The following EXOC6B variants were observed in gnomAD, a reference collection of about 807,000 sequenced individuals.
EXOC6B encodes SEC15 homolog B.
A neutral mutation model predicts 113.5 loss-of-function variants in EXOC6B; 54 were observed. The ratio of observed to expected loss-of-function variants is 0.48; its 90% CI spans 0.38 to 0.60. The LOEUF is 0.60. Among genes scored for constraint, EXOC6B ranks in the 20% least tolerant of loss-of-function variants. The pLI is 0.00. For synonymous variants in EXOC6B, 357 were observed against 339.0 expected, an observed-to-expected ratio of 1.05 and a Z score of -0.58; for missense variants, 797 against 977.5, an observed-to-expected ratio of 0.82 and a Z score of 2.46.
At chr2:72,578,110 G>A (rs1704986987) in intron 6 of EXOC6B, among the ~76,000 whole-genome samples, 1 of 152,022 alleles carries the variant, frequency 6.6e-6, no homozygotes, top group African/African-American at 2.4e-5. Context: ...CAGTAGCACA[G>A]GTCTTGTTTC....
intron 1 of EXOC6B, among the ~76,000 whole-genome samples, chr2:72,747,491 G>A (rs180942474): frequency 6.6e-6 from 1 of 152,062 alleles, no homozygotes; most frequent in Non-Finnish European, 1.5e-5. Context: ...GAAAACACTC[G>A]GCTCTTTGAT....
intron 20 of EXOC6B, among the ~76,000 whole-genome samples, chr2:72,314,041 C>A (rs997221165): frequency 1.3e-5 from 2 of 152,116 alleles, no homozygotes; most frequent in African/African-American, 4.8e-5. Context: ...ACAGAAGATG[C>A]CTAATTAGCC....
chr2:72,480,102 G>A (rs930367984), intron 17 of EXOC6B, among the ~76,000 whole-genome samples: 1 of 151,994 alleles, frequency 6.6e-6, no homozygotes, highest in African/African-American at 2.4e-5. Flanking sequence ...TACTTGGGAG[G>A]ATGAGGCATG....
At chr2:72,217,849 G>C (rs1680633922) in intron 20 of EXOC6B, among the ~76,000 whole-genome samples, 1 of 152,098 alleles carries the variant, frequency 6.6e-6, no homozygotes, top group South Asian at 2.1e-4. Flanking sequence ...CCTCAACTTG[G>C]ACAGGACCTA....
chr2:72,698,667 A>C (rs1223983186), intron 6 of EXOC6B, among the ~76,000 whole-genome samples: 1 of 152,260 alleles, frequency 6.6e-6, no homozygotes, highest in African/African-American at 2.4e-5. Flanking sequence ...ACGTCTGAAA[A>C]TACAACCTTA....
intron 18 of EXOC6B, among the ~76,000 whole-genome samples, chr2:72,409,488 C>A (rs1694018247): frequency 6.6e-6 from 1 of 152,130 alleles, no homozygotes; most frequent in Non-Finnish European, 1.5e-5. Context: ...CAATGATAGA[C>A]TGGATCAAGA....
At chr2:72,346,825 T>A (rs893141390) in intron 19 of EXOC6B, among the ~76,000 whole-genome samples, 1 of 152,282 alleles carries the variant, frequency 6.6e-6, no homozygotes, top group Non-Finnish European at 1.5e-5. Flanking sequence ...GATTTTCCCT[T>A]AGTATTCCAT....
rs550622065 is a variant in EXOC6B, at chr2:72,739,818, G to A, written c.279+1486C>T. Among the ~76,000 whole-genome samples, 13 of 152,220 alleles carry A rather than the reference G, an allele frequency of 8.5e-5. No individual in the cohort carries two copies. In the South Asian group the frequency reaches 2.1e-3, roughly 24 times the overall value. ...AAGCAACTGAGAGGGGTACTATTGA[G>A]AGATTTAATTATGATGGCAATATAA... is the stretch of plus-strand genomic sequence containing the variant. On this transcript the variant is annotated intron_variant, in intron 2 of 21. Coordinates refer to ENST00000272427, the MANE Select transcript of EXOC6B (RefSeq NM_015189.3).
intron 1 of EXOC6B, among the ~76,000 whole-genome samples, chr2:72,782,790 G>A (rs1013308043): frequency 6.6e-6 from 1 of 151,936 alleles, no homozygotes; most frequent in Admixed American, 6.6e-5. Context: ...TTCTTTCTGG[G>A]CCTGGGCTTA....
At chr2:72,284,335 A>G (rs1685299873) in intron 20 of EXOC6B, among the ~76,000 whole-genome samples, 1 of 152,114 alleles carries the variant, frequency 6.6e-6, no homozygotes, top group Non-Finnish European at 1.5e-5. Flanking sequence ...AAAATAAATC[A>G]TTGTAATCCA....
At chr2:72,353,737 G>A (rs1055801840) in intron 19 of EXOC6B, among the ~76,000 whole-genome samples, 7 of 151,762 alleles carry the variant, frequency 4.6e-5, no homozygotes, top group Non-Finnish European at 8.8e-5. Flanking sequence ...ACAGTAAAAA[G>A]GCTTTGGAAA....
At position 72,536,207 on chromosome 2, in the gene EXOC6B, TG is replaced by T. The variant is rs1219159707; in HGVS notation, c.916-21082del. Among the ~76,000 whole-genome samples the T allele has an allele frequency of 5.9e-5, 9 of 152,164 alleles. No individual in the cohort carries two copies. In the South Asian group the frequency reaches 6.2e-4, roughly 11 times the overall value. ...CCCCTCATTAGTACAGCCACCCATT[TG>T]AGAATATAAGATACGTCATTCAAGT... On this transcript the variant is annotated intron_variant, in intron 8 of 21. Transcript: ENST00000272427.
At chr2:72,752,197 T>G (rs1199017617) in intron 1 of EXOC6B, among the ~76,000 whole-genome samples, 1 of 152,148 alleles carries the variant, frequency 6.6e-6, no homozygotes, top group African/African-American at 2.4e-5. Flanking sequence ...ATTTAAAAAA[T>G]TCAGGCTTAT....
chr2:72,601,994 G>T (rs1278350887), intron 6 of EXOC6B, among the ~76,000 whole-genome samples: 1 of 152,184 alleles, frequency 6.6e-6, no homozygotes, highest in African/African-American at 2.4e-5. Context: ...AAGATCATTA[G>T]TTGCCAGGGG....
chr2:72,671,613 G>A (rs1046490942), intron 6 of EXOC6B, among the ~76,000 whole-genome samples: 3 of 151,924 alleles, frequency 2.0e-5, no homozygotes, highest in African/African-American at 4.8e-5. Flanking sequence ...CAGAAGAATC[G>A]CTTGAACCCG....
At chr2:72,696,527 G>T (rs1677896879) in intron 6 of EXOC6B, among the ~76,000 whole-genome samples, 1 of 152,130 alleles carries the variant, frequency 6.6e-6, no homozygotes, top group Non-Finnish European at 1.5e-5. Flanking sequence ...ACTCTAAATT[G>T]GCTGTGGGAC....
intron 18 of EXOC6B, among the ~76,000 whole-genome samples, chr2:72,395,276 C>T (rs1255796621): frequency 6.6e-6 from 1 of 152,012 alleles, no homozygotes; most frequent in Non-Finnish European, 1.5e-5. Context: ...AGAAAGTTTA[C>T]AAAATACAAT....
At chr2:72,590,647 G>C (rs1002211128) in intron 6 of EXOC6B, among the ~76,000 whole-genome samples, 1 of 151,900 alleles carries the variant, frequency 6.6e-6, no homozygotes, top group African/African-American at 2.4e-5. Context: ...TTTTAAATGA[G>C]TTTCTTTCTT....
chr2:72,474,628 T>C (rs905776521), intron 17 of EXOC6B, among the ~76,000 whole-genome samples: 1 of 152,134 alleles, frequency 6.6e-6, no homozygotes, highest in South Asian at 2.1e-4. Context: ...GGTATCAATC[T>C]CTTTAGCAAA....
Sources: allele counts gnomAD v4.1 joint callset (sites outside exome capture counted in the v4.1 genomes callset), GRCh38; gene constraint gnomAD v4.1.1; transcripts MANE v1.5; gene names NCBI Gene and HGNC (gene_info 2026-07-23, HGNC 2026-07-21).